ATPAF1: variants seen among roughly 807,000 people sequenced by gnomAD.
ATPAF1 encodes the protein ATP synthase mitochondrial F1 complex assembly factor 1.
A neutral mutation model predicts 43.9 loss-of-function variants in ATPAF1; 26 were observed. That is an observed-to-expected ratio of 0.59 (90% CI 0.43 to 0.82). ATPAF1 has a LOEUF of 0.82. Ranked by LOEUF, ATPAF1 falls within the 40% of genes least tolerant of loss-of-function variation. The pLI is 0.00. For missense variants in ATPAF1, 366 were observed against 435.0 expected (o/e 0.84, Z 1.41); for synonymous variants, 157 against 168.0 (o/e 0.93, Z 0.50).
At chr1:46,658,781 A>G in intron 2 of ATPAF1, 44 bp from the exon 3 acceptor site, 1 of 1,430,436 alleles carries the variant, frequency 7.0e-7, no homozygotes, top group South Asian at 1.4e-5. Flanking sequence ...TTTACTCATA[A>G]GAAAAAAGGT....
chr1:46,651,839 AAAAC>A (rs1262920996), intron 6 of ATPAF1, among the ~76,000 whole-genome samples: 3 of 152,174 alleles, frequency 2.0e-5, no homozygotes, highest in East Asian at 3.8e-4. Flanking sequence ...TTACAAGAAA[AAAAC>A]AAACAACCCC....
At chr1:46,666,427 AG>A (rs1350631965) in intron 1 of ATPAF1, 1 of 152,382 alleles carries the variant, frequency 6.6e-6, no homozygotes, top group Non-Finnish European at 1.5e-5. Context: ...AGGGGTAGAG[AG>A]GGCAAGGGAC....
intron 6 of ATPAF1, among the ~76,000 whole-genome samples, chr1:46,645,600 C>A (rs1676029750): frequency 6.6e-6 from 1 of 151,816 alleles, no homozygotes; most frequent in Non-Finnish European, 1.5e-5. Context: ...CGGGCTCAAG[C>A]AATCTGCCTC....
intron 8 of ATPAF1, 86 bp from the exon 9 acceptor site, chr1:46,636,056 G>GC: frequency 6.9e-7 from 1 of 1,454,696 alleles, no homozygotes; most frequent in Non-Finnish European, 9.6e-7. Flanking sequence ...GGGGGCCCTC[G>GC]CCCAGGAGTC....
intron 4 of ATPAF1, among the ~76,000 whole-genome samples, chr1:46,656,058 A>AAGAAACATGT (rs1427858254): frequency 1.2e-4 from 19 of 152,360 alleles, no homozygotes; most frequent in Admixed American, 1.0e-3. Context: ...GTGAAATAAT[A>AAGAAACATGT]AGAAACATGT....
chr1:46,661,705 C>T (rs915084255), intron 2 of ATPAF1, among the ~76,000 whole-genome samples: 4 of 151,772 alleles, frequency 2.6e-5, no homozygotes, highest in African/African-American at 9.7e-5. Flanking sequence ...ATGTTGAGTC[C>T]CATGTGGTGG....
At chr1:46,656,715 G>A (rs1341480110) in intron 4 of ATPAF1, among the ~76,000 whole-genome samples, 3 of 152,102 alleles carry the variant, frequency 2.0e-5, no homozygotes, top group Non-Finnish European at 2.9e-5. Flanking sequence ...ATATGATCAG[G>A]CCTCCTGGGC....
intron 2 of ATPAF1, among the ~76,000 whole-genome samples, chr1:46,663,469 G>A (rs1332358175): frequency 3.3e-5 from 5 of 152,174 alleles, no homozygotes; most frequent in Admixed American, 3.3e-4. Context: ...TTTAATGATT[G>A]CCATTCTAAC....
intron 7 of ATPAF1, 25 bp from the exon 8 acceptor site, chr1:46,643,326 G>C: frequency 6.5e-7 from 1 of 1,547,742 alleles, no homozygotes; most frequent in Middle Eastern, 1.7e-4. Context: ...ACTTATCAAG[G>C]CTCAATAAGG....
intron 7 of ATPAF1, among the ~76,000 whole-genome samples, chr1:46,643,652 C>T (rs1383285421): frequency 6.6e-6 from 1 of 152,212 alleles, no homozygotes; most frequent in Non-Finnish European, 1.5e-5. Flanking sequence ...GTAATTGCCA[C>T]TTTCATGGAC....
At position 46,658,123 on chromosome 1, in the gene ATPAF1, T is replaced by C; in HGVS notation, c.489+4A>G. ...GAGTAGGCCAGCCCATTTCCATTCATTACCTGTTTTATTTCTTCTGCAGTT... is the reference window on the plus strand; with the variant it reads ...GAGTAGGCCAGCCCATTTCCATTCACTACCTGTTTTATTTCTTCTGCAGTT... On this transcript the variant is annotated splice_donor_region_variant and intron_variant, in intron 4 of 8. Transcript: ENST00000574428. 1 of 1,610,838 alleles carries C rather than the reference T, an allele frequency of 6.2e-7. No individual in the cohort carries two copies. Among genetic ancestry groups the C allele is most frequent in the Non-Finnish European group, 8.5e-7 (1 of 1,178,510 alleles).
chr1:46,640,127 T>A (rs1221005615), intron 8 of ATPAF1, among the ~76,000 whole-genome samples: 1 of 152,218 alleles, frequency 6.6e-6, no homozygotes, highest in African/African-American at 2.4e-5. Context: ...CCTTATATTT[T>A]CACTTTCCTC....
intron 6 of ATPAF1, among the ~76,000 whole-genome samples, chr1:46,648,827 A>G (rs1355940794): frequency 6.6e-6 from 1 of 151,980 alleles, no homozygotes; most frequent in East Asian, 1.9e-4. Context: ...AAAAACATAA[A>G]AATTAGCTGG....
intron 4 of ATPAF1, among the ~76,000 whole-genome samples, chr1:46,657,419 T>A (rs982446357): frequency 6.6e-6 from 1 of 152,142 alleles, no homozygotes; most frequent in Non-Finnish European, 1.5e-5. Context: ...CCTGTGATAA[T>A]GGAGAGCTAT....
intron 2 of ATPAF1, among the ~76,000 whole-genome samples, chr1:46,660,016 G>A (rs1420511014): frequency 6.9e-6 from 1 of 144,854 alleles, no homozygotes; most frequent in African/African-American, 2.6e-5. Flanking sequence ...TAGCTCTGTT[G>A]CCTAGGCTGG....
intron 6 of ATPAF1, among the ~76,000 whole-genome samples, chr1:46,647,374 T>C (rs568355959): frequency 1.3e-5 from 2 of 152,354 alleles, no homozygotes; most frequent in African/African-American, 4.8e-5. Flanking sequence ...CTTTGGTTTT[T>C]CAGCTCCTTC....
At chr1:46,637,889 C>T (rs1441091281) in intron 8 of ATPAF1, among the ~76,000 whole-genome samples, 2 of 152,176 alleles carry the variant, frequency 1.3e-5, no homozygotes, top group South Asian at 2.1e-4. Flanking sequence ...CAGCCAAGGT[C>T]ACAGCCAGGA....
intron 1 of ATPAF1, among the ~76,000 whole-genome samples, chr1:46,667,710 T>A (rs1192456943): frequency 6.6e-6 from 1 of 152,196 alleles, no homozygotes; most frequent in East Asian, 1.9e-4. Flanking sequence ...ATATGTGACC[T>A]TGAGCAAGTC....
chr1:46,637,272 C>T (rs1031056923), intron 8 of ATPAF1, among the ~76,000 whole-genome samples: 6 of 151,920 alleles, frequency 3.9e-5, no homozygotes, highest in Admixed American at 1.3e-4. Flanking sequence ...CCTAGCTACT[C>T]GGGAGGCTGA....
Sources: gnomAD v4.1 joint callset for allele counts (sites outside exome capture counted in the v4.1 genomes callset) on GRCh38, gnomAD v4.1.1 for gene constraint, MANE v1.5 for transcripts, NCBI Gene and HGNC (gene_info 2026-07-23, HGNC 2026-07-21) for gene names.